BBS7: variants seen among roughly 807,000 people sequenced by gnomAD.
BBS7 encodes the protein Bardet-Biedl syndrome 7.
BBS7 carries 50 observed loss-of-function variants against 90.3 expected under a neutral mutation model. The observed-to-expected ratio is 0.55, with a 90% CI of 0.44 to 0.70. The LOEUF is 0.70. Among genes scored for constraint, BBS7 ranks in the 30% least tolerant of loss-of-function variants. BBS7 has a pLI of 0.00. For missense variants in BBS7, 729 were observed against 838.9 expected (o/e 0.87, Z 1.62); for synonymous variants, 235 against 287.4 (o/e 0.82, Z 1.85).
intron 13 of BBS7, among the ~76,000 whole-genome samples, chr4:121,838,489 T>C (rs1341873503): frequency 2.0e-5 from 3 of 152,110 alleles, no homozygotes; most frequent in African/African-American, 7.2e-5. Context: ...AAAACAGATT[T>C]GTGTGCTATG....
rs751492575 is a variant in BBS7 at position 121,835,201 on chromosome 4, T to C, written c.1454A>G (p.Gln485Arg). ...RIQPKTCQVR[Q>R]YHIKPLSLHQ... Reference sequence around the variant, plus strand: ...GAGTGAAAGAGGTTTGATGTGGTACTGGCGGACCTGACAGGTTTTGGGTTG... The same window carrying C: ...GAGTGAAAGAGGTTTGATGTGGTACCGGCGGACCTGACAGGTTTTGGGTTG... Residue 485 changes from glutamine to arginine, a missense_variant, in exon 14 of 19, where the codon CAG (glutamine) becomes CGG (arginine). Coordinates refer to ENST00000264499, the MANE Select transcript of BBS7 (RefSeq NM_176824.3). 1 of 1,613,974 alleles carries C rather than the reference T, an allele frequency of 6.2e-7. No individual in the cohort carries two copies. Among genetic ancestry groups the C allele is most frequent in the East Asian group, 2.2e-5 (1 of 44,868 alleles).
chr4:121,862,121 G>A (rs919811880), intron 3 of BBS7, among the ~76,000 whole-genome samples: 1 of 152,126 alleles, frequency 6.6e-6, no homozygotes, highest in Non-Finnish European at 1.5e-5. Context: ...GAGGTCCAAT[G>A]AACATGTTTT....
chr4:121,840,967 A>G (rs1026478124), intron 12 of BBS7, among the ~76,000 whole-genome samples: 2 of 151,560 alleles, frequency 1.3e-5, no homozygotes, highest in Non-Finnish European at 2.9e-5. Flanking sequence ...CCTCCCAAAT[A>G]GCTGGGACTA....
chr4:121,835,955 G>A (rs1392417242), intron 13 of BBS7, among the ~76,000 whole-genome samples: 1 of 152,014 alleles, frequency 6.6e-6, no homozygotes, highest in Admixed American at 6.6e-5. Context: ...GCTTCCATAC[G>A]TCTCTCTACG....
At chr4:121,847,240 T>TA (rs1269497595) in intron 10 of BBS7, among the ~76,000 whole-genome samples, 164 bp downstream of exon 10, 6 of 152,208 alleles carry the variant, frequency 3.9e-5, no homozygotes, top group African/African-American at 7.2e-5. Context: ...AATCAGCACT[T>TA]ACGCTAATTT....
intron 18 of BBS7, among the ~76,000 whole-genome samples, chr4:121,826,286 A>T (rs1190412522): frequency 6.6e-6 from 1 of 152,208 alleles, no homozygotes; most frequent in East Asian, 1.9e-4. Context: ...ATATAACATC[A>T]CAACAAGTGG....
chr4:121,825,903 CTG>C lies in BBS7; in HGVS notation c.2103_2104del (p.Asp701GlufsTer3), dbSNP rs757805445. 2.5e-6 allele frequency: 4 copies of C among 1,613,126 alleles called. No homozygotes were observed. The South Asian group carries it at 4.4e-5, about 18-fold the overall frequency. ...TGAAATCAATGCATTTTGGTCATAA[CTG>C]TCCAGAATTTCCAATAGAAGGGGTA... On this transcript the variant is annotated frameshift_variant, in exon 19 of 19. Coordinates refer to ENST00000264499, the MANE Select transcript of BBS7 (RefSeq NM_176824.3). LOFTEE classifies it high-confidence loss of function.
intron 13 of BBS7, among the ~76,000 whole-genome samples, chr4:121,837,538 GTTCTC>G (rs1725517746): frequency 1.3e-5 from 2 of 152,078 alleles, no homozygotes; most frequent in Non-Finnish European, 2.9e-5. Context: ...TAATAGAAGT[GTTCTC>G]TTCTATTAAA....
chr4:121,830,188 G>A (rs1725112702), intron 15 of BBS7, among the ~76,000 whole-genome samples: 1 of 152,164 alleles, frequency 6.6e-6, no homozygotes, highest in Non-Finnish European at 1.5e-5. Context: ...GATCACTTGA[G>A]GTCAGGAGTT....
intron 12 of BBS7, among the ~76,000 whole-genome samples, chr4:121,840,266 T>C (rs183634299): frequency 4.7e-4 from 71 of 152,352 alleles, no homozygotes; most frequent in African/African-American, 1.7e-3. Flanking sequence ...CCATGTGAGA[T>C]GTGCCTTTCA....
rs766590920 is a variant in BBS7 at position 121,859,014 on chromosome 4, T to A, written c.506A>T (p.Asp169Val). Residue 169 changes from aspartate to valine, a missense_variant, in exon 5 of 19, where the codon GAC (aspartate) becomes GTC (valine). By Grantham distance (152) the Asp-to-Val change is radical. Coordinates refer to ENST00000264499, the MANE Select transcript of BBS7 (RefSeq NM_176824.3). ...SRITPVLACQ[D>V]RVLRVLQGSD... ...AACCTGTAAAACTCTGAGCACTCTG[T>A]CCTGGCAGGCCAATACAGGTGTGAT... The A allele has an allele frequency of 3.1e-6, 5 of 1,613,874 alleles. No homozygotes were observed. Among genetic ancestry groups the A allele is most frequent in the East Asian group, 2.2e-5 (1 of 44,838 alleles).
intron 3 of BBS7, among the ~76,000 whole-genome samples, 158 bp downstream of exon 3, chr4:121,863,059 T>C (rs1451294242): frequency 6.6e-6 from 1 of 152,188 alleles, no homozygotes; most frequent in Non-Finnish European, 1.5e-5. Flanking sequence ...AGCAAATTAC[T>C]TTTGTGCTAC....
rs1725965748 is a variant in BBS7, at chr4:121,845,581, A to G, written c.1153T>C (p.Phe385Leu). The change falls in exon 11 of 19, where the codon TTT (phenylalanine) becomes CTT (leucine). Residue 385 changes from phenylalanine (F) to leucine (L), a missense_variant. By Grantham distance (22) the Phe-to-Leu change is conservative (BLOSUM62 0). Transcript: ENST00000264499. ...CTGGCATCATCTTTATTTAGTGTAA[A>G]TTTATCATTTATACCAAAGGAAGGT... is the stretch of plus-strand genomic sequence containing the variant. Reference protein sequence around the residue: ...AVPSFGINDKFTLNKDDASYS... With the variant: ...AVPSFGINDKLTLNKDDASYS... The G allele has an allele frequency of 6.2e-7, 1 of 1,612,810 alleles. No homozygotes were observed. Among genetic ancestry groups the G allele is most frequent in the African/African-American group, 1.3e-5 (1 of 74,838 alleles).
In BBS7 at chr4:121,861,698, G is replaced by GA. The variant is rs1726989802; in HGVS notation, c.166-20dup. The GA allele has an allele frequency of 1.2e-6, 2 of 1,612,242 alleles. No individual in the cohort carries two copies. Among genetic ancestry groups the GA allele is most frequent in the Admixed American group, 1.7e-5 (1 of 59,858 alleles). Reference sequence around the variant, plus strand: ...ACACTGCCTGAAAAAAATCATTCAGGAAAAAAGTACACAAATTACTTTATT... The same window carrying GA: ...ACACTGCCTGAAAAAAATCATTCAGGAAAAAAAGTACACAAATTACTTTATT... On this transcript the variant is annotated intron_variant, in intron 3 of 18. Transcript: ENST00000264499.
chr4:121,851,126 G>A (rs1198247431), intron 8 of BBS7, among the ~76,000 whole-genome samples: 8 of 151,986 alleles, frequency 5.3e-5, no homozygotes, highest in African/African-American at 1.4e-4. Context: ...ATAGAAACAC[G>A]CACATTCTCA....
At chr4:121,845,078 A>G (rs1191955156) in intron 11 of BBS7, among the ~76,000 whole-genome samples, 1 of 152,196 alleles carries the variant, frequency 6.6e-6, no homozygotes, top group African/African-American at 2.4e-5. Flanking sequence ...ATTTAAAATT[A>G]CTGTCTATGA....
intron 8 of BBS7, 112 bp from the exon 9 acceptor site, chr4:121,849,040 G>A: frequency 1.4e-6 from 1 of 700,820 alleles, no homozygotes; most frequent in Non-Finnish European, 2.5e-6. Flanking sequence ...TATATTTACT[G>A]AATGTTTATG....
intron 13 of BBS7, 112 bp downstream of exon 13, chr4:121,839,519 T>C (rs1181441981): frequency 1.5e-5 from 14 of 923,660 alleles, no homozygotes; most frequent in Non-Finnish European, 2.2e-5. Context: ...TCCAAACAAT[T>C]CATTTCAGGG....
chr4:121,828,332 G>C (rs1209043817), intron 17 of BBS7, 63 bp from the exon 18 acceptor site: 1 of 1,589,896 alleles, frequency 6.3e-7, no homozygotes, highest in Non-Finnish European at 8.6e-7. Flanking sequence ...TAATGTTAAA[G>C]TATTGATAAT....
Sources: gnomAD v4.1 joint callset for allele counts (sites outside exome capture counted in the v4.1 genomes callset) on GRCh38, gnomAD v4.1.1 for gene constraint, MANE v1.5 for transcripts, NCBI Gene and HGNC (gene_info 2026-07-23, HGNC 2026-07-21) for gene names.